Variants in SPIRE1 observed in about 807,000 individuals in gnomAD.
SPIRE1 encodes the protein protein spire homolog 1.
A neutral mutation model predicts 94.1 loss-of-function variants in SPIRE1; 40 were observed. The observed-to-expected ratio is 0.43, with a 90% confidence interval of 0.33 to 0.55. The LOEUF (loss-of-function observed/expected upper bound fraction) is 0.55, where lower values mean the gene tolerates loss of function less well. Ranked by LOEUF, SPIRE1 falls within the 20% of genes least tolerant of loss-of-function variation. SPIRE1 has a pLI of 0.06. For missense variants in SPIRE1, 838 were observed against 975.2 expected (o/e 0.86, Z 1.87); for synonymous variants, 376 against 371.7 (o/e 1.01, Z -0.13).
intron 4 of SPIRE1, among the ~76,000 whole-genome samples, chr18:12,519,874 G>A (rs957034684): frequency 2.0e-5 from 3 of 152,180 alleles, no homozygotes; most frequent in Non-Finnish European, 4.4e-5. Context: ...GGACAATAGT[G>A]TAATATTTTA....
intron 6 of SPIRE1, among the ~76,000 whole-genome samples, chr18:12,501,974 A>T (rs551609423): frequency 6.6e-6 from 1 of 152,230 alleles, no homozygotes; most frequent in South Asian, 2.1e-4. Context: ...TCAATCAATA[A>T]ATGTCTTTTA....
At chr18:12,583,682 T>C (rs1196196453) in intron 2 of SPIRE1, among the ~76,000 whole-genome samples, 3 of 151,944 alleles carry the variant, frequency 2.0e-5, no homozygotes, top group South Asian at 2.1e-4. Context: ...CTAGCACTTT[T>C]GGGAGGCTGA....
intron 3 of SPIRE1, among the ~76,000 whole-genome samples, chr18:12,545,966 T>A (rs1467808126): frequency 6.6e-6 from 1 of 152,194 alleles, no homozygotes; most frequent in African/African-American, 2.4e-5. Flanking sequence ...GGAACTATTA[T>A]TAAATGCCGA....
At chr18:12,581,342 C>A (rs920737848) in intron 2 of SPIRE1, among the ~76,000 whole-genome samples, 5 of 152,098 alleles carry the variant, frequency 3.3e-5, no homozygotes, top group Non-Finnish European at 4.4e-5. Flanking sequence ...AAGTTGCTTA[C>A]AGCACTTGAT....
chr18:12,503,011 AGGCAGGAGAAT>A (rs1426626653), intron 6 of SPIRE1, among the ~76,000 whole-genome samples: 1 of 151,798 alleles, frequency 6.6e-6, no homozygotes, highest in Non-Finnish European at 1.5e-5. Flanking sequence ...TGGGAGGCTG[AGGCAGGAGAAT>A]GGCGTGAACC....
intron 2 of SPIRE1, among the ~76,000 whole-genome samples, chr18:12,626,382 T>C (rs561474477): frequency 1.4e-4 from 21 of 152,252 alleles, no homozygotes; most frequent in African/African-American, 5.1e-4. Context: ...TATAGAACAA[T>C]TCTTGAATCA....
chr18:12,471,815 T>C (rs544066230), intron 10 of SPIRE1, among the ~76,000 whole-genome samples: 12 of 152,292 alleles, frequency 7.9e-5, no homozygotes, highest in African/African-American at 2.6e-4. Context: ...GAGAGAGTCT[T>C]GCTCTGTCAC....
chr18:12,631,825 T>A (rs1407691612), intron 2 of SPIRE1, among the ~76,000 whole-genome samples: 2 of 152,002 alleles, frequency 1.3e-5, no homozygotes, highest in Non-Finnish European at 2.9e-5. Flanking sequence ...AGATCGCACC[T>A]CTGCACTCCA....
At position 12,452,469 on chromosome 18, in the gene SPIRE1, A is replaced by C. The variant is rs2031293935; in HGVS notation, c.1875+16T>G. 7 of 1,614,002 alleles carry C rather than the reference A, an allele frequency of 4.3e-6. No homozygotes were observed. Among genetic ancestry groups the C allele is most frequent in the Non-Finnish European group, 5.9e-6 (7 of 1,180,032 alleles). ...CTAAAAGGAACACAAGTATAAATGA[A>C]CCAAGCTTAGCTTACCTTTTTGCAA... On this transcript the variant is annotated intron_variant, in intron 15 of 16. Coordinates refer to ENST00000409402, the MANE Select transcript of SPIRE1 (RefSeq NM_001128626.2).
At chr18:12,554,873 A>C (rs1311389855) in intron 2 of SPIRE1, among the ~76,000 whole-genome samples, 1 of 152,192 alleles carries the variant, frequency 6.6e-6, no homozygotes, top group African/African-American at 2.4e-5. Flanking sequence ...TTAACACTTG[A>C]AAAAGTTTCA....
upstream of SPIRE1, chr18:12,658,609 A>G (rs561769930): frequency 1.1e-5 from 5 of 470,216 alleles, no homozygotes; most frequent in Non-Finnish European, 2.2e-5. Flanking sequence ...GAAAACTTGA[A>G]CCCGCCTGGA....
chr18:12,598,195 G>A (rs1343571261), intron 2 of SPIRE1, among the ~76,000 whole-genome samples: 2 of 152,144 alleles, frequency 1.3e-5, no homozygotes, highest in Non-Finnish European at 2.9e-5. Context: ...AATTAGAAAT[G>A]TAAAATTATT....
At position 12,448,814 on chromosome 18, in the gene SPIRE1, G is replaced by T. The variant is rs1178971061; in HGVS notation, c.*824C>A. ...TACACTGTCACAACCCTTCTCATAG[G>T]TAACCAAAATACGCTCAACGTCTTG... On this transcript the variant is annotated 3_prime_UTR_variant, in exon 17 of 17. Coordinates refer to ENST00000409402, the MANE Select transcript of SPIRE1 (RefSeq NM_001128626.2). The surrounding 1 kb of genome is among the most constrained non-coding windows in gnomAD (Gnocchi z 4.4). The T allele has an allele frequency of 6.6e-6, 1 of 152,280 alleles. No homozygotes were observed. Among genetic ancestry groups the T allele is most frequent in the African/African-American group, 2.4e-5 (1 of 41,414 alleles). 9.4% of individuals were successfully genotyped at this position (152,280 alleles called of 1,614,324 possible). A position where few individuals can be genotyped will look rare whatever the true frequency, so the allele number is the denominator to read the frequency against.
At chr18:12,473,237 T>C (rs1190666843) in intron 10 of SPIRE1, among the ~76,000 whole-genome samples, 2 of 152,088 alleles carry the variant, frequency 1.3e-5, no homozygotes. Flanking sequence ...TAGCTTTCTT[T>C]AAGGCACTTA....
At position 12,493,053 on chromosome 18, in the gene SPIRE1, C is replaced by G; in HGVS notation, c.1189+19G>C. 1 of 1,600,082 alleles carries G rather than the reference C, an allele frequency of 6.2e-7. No homozygotes were observed. Among genetic ancestry groups the G allele is most frequent in the Non-Finnish European group, 8.5e-7 (1 of 1,175,910 alleles). ...CCAGGGGATGACTCTAGACTGAGTACAGGAAGCAGTGGACTCACCTAATCT... is the reference window on the plus strand; with the variant it reads ...CCAGGGGATGACTCTAGACTGAGTAGAGGAAGCAGTGGACTCACCTAATCT... On this transcript the variant is annotated intron_variant, in intron 8 of 16. Transcript: ENST00000409402.
At chr18:12,572,018 C>A (rs2035970905) in intron 2 of SPIRE1, among the ~76,000 whole-genome samples, 3 of 152,120 alleles carry the variant, frequency 2.0e-5, no homozygotes, top group African/African-American at 7.2e-5. Context: ...TAAACAGACA[C>A]CTGAAAGATC....
At chr18:12,552,210 C>T (rs1205337050) in intron 2 of SPIRE1, among the ~76,000 whole-genome samples, 2 of 152,206 alleles carry the variant, frequency 1.3e-5, no homozygotes, top group Non-Finnish European at 2.9e-5. Flanking sequence ...GAAAGGCACT[C>T]TAAGCCACAA....
At chr18:12,467,019 C>T (rs1014968277) in intron 10 of SPIRE1, among the ~76,000 whole-genome samples, 5 of 152,200 alleles carry the variant, frequency 3.3e-5, no homozygotes, top group African/African-American at 1.2e-4. Context: ...GTGGCTCACG[C>T]CTGTAATCCC....
chr18:12,537,516 C>A (rs1325327128), intron 3 of SPIRE1, among the ~76,000 whole-genome samples: 1 of 152,142 alleles, frequency 6.6e-6, no homozygotes, highest in Non-Finnish European at 1.5e-5. Context: ...AATTCACAAC[C>A]CATTCACTGG....
Sources: allele counts gnomAD v4.1 joint callset (sites outside exome capture counted in the v4.1 genomes callset), GRCh38; gene constraint gnomAD v4.1.1; non-coding constraint Gnocchi (gnomAD v3.1); transcripts MANE v1.5; gene names NCBI Gene and HGNC (gene_info 2026-07-23, HGNC 2026-07-21).